The following VTA1 variants were observed in gnomAD, a reference collection of about 807,000 sequenced individuals.
VTA1 encodes the protein vacuolar protein sorting-associated protein VTA1 homolog.
In VTA1, 24 loss-of-function variants were observed where a neutral mutation model predicts 36.9. The observed-to-expected ratio is 0.65, with a 90% confidence interval of 0.47 to 0.91. VTA1 has a LOEUF of 0.91. Among genes scored for constraint, VTA1 ranks in the 40% least tolerant of loss-of-function variants. The pLI is 0.00. For missense variants in VTA1, 393 were observed against 377.2 expected (o/e 1.04, Z -0.35); for synonymous variants, 142 against 130.2 (o/e 1.09, Z -0.62).
At position 142,147,313 on chromosome 6, in the gene VTA1, C is replaced by T. The variant is rs760204581; in HGVS notation, c.26C>T (p.Pro9Leu). 5 of 1,614,192 alleles carry T rather than the reference C, an allele frequency of 3.1e-6. No homozygotes were observed. Among genetic ancestry groups the T allele is most frequent in the Admixed American group, 3.3e-5 (2 of 60,024 alleles). MAALAPLP[P>L]LPAQFKSIQH... ...ATGGCCGCGCTTGCACCGCTGCCCC[C>T]GCTCCCCGCACAGTTCAAGAGCATA... The change falls in exon 1 of 8, where the codon CCG (proline) becomes CTG (leucine). Residue 9 changes from proline (P) to leucine (L), a missense_variant. Pro to Leu is a moderately conservative substitution (Grantham distance 98). Transcript: ENST00000367630.
In VTA1 at chr6:142,224,613, C is replaced by A. The variant is rs1343906507; in HGVS notation, c.*5970C>A. On this transcript the variant is annotated 3_prime_UTR_variant, in exon 8 of 8. Transcript: ENST00000367630. ...GCTTGATGCATTGTAAGTATTCTGA[C>A]CTGGTGAAATAAATATACGAATGGG... is the stretch of plus-strand genomic sequence containing the variant. 2 of 151,918 alleles carry A rather than the reference C, an allele frequency of 1.3e-5. No homozygotes were observed. The highest frequency in any genetic ancestry group is 2.9e-5 in the Non-Finnish European group (2 of 68,020). 9.4% of individuals were successfully genotyped at this position (151,918 alleles called of 1,614,324 possible).
intron 7 of VTA1, among the ~76,000 whole-genome samples, chr6:142,217,853 GT>G (rs373440950): frequency 0.032 from 4,678 of 147,958 alleles, 86 homozygotes; most frequent in Non-Finnish European, 0.039. Context: ...TGTTTTTAAT[GT>G]TTTTTTTTTA....
At chr6:142,163,852 T>C (rs1209836979) in intron 1 of VTA1, among the ~76,000 whole-genome samples, 1 of 152,170 alleles carries the variant, frequency 6.6e-6, no homozygotes, top group Non-Finnish European at 1.5e-5. Context: ...TTATGTAAAT[T>C]ATTTATGAAT....
intron 5 of VTA1, among the ~76,000 whole-genome samples, chr6:142,193,198 A>G (rs142629941): frequency 1.4e-3 from 209 of 152,134 alleles, no homozygotes; most frequent in African/African-American, 4.8e-3. Context: ...TTTGTCTGAT[A>G]TTGCCTCATA....
At chr6:142,161,296 A>G (rs1774804678) in intron 1 of VTA1, among the ~76,000 whole-genome samples, 1 of 152,094 alleles carries the variant, frequency 6.6e-6, no homozygotes, top group Admixed American at 6.5e-5. Flanking sequence ...TTGTGTATCA[A>G]TATGTATTCT....
chr6:142,207,048 G>A (rs1044480157), intron 7 of VTA1, among the ~76,000 whole-genome samples: 7 of 151,932 alleles, frequency 4.6e-5, no homozygotes, highest in Admixed American at 6.6e-5. Context: ...AACAGAAAAC[G>A]AAAAACAAAT....
chr6:142,172,600 T>TA (rs963401638), intron 4 of VTA1, among the ~76,000 whole-genome samples: 24 of 152,230 alleles, frequency 1.6e-4, no homozygotes, highest in Non-Finnish European at 2.8e-4. Flanking sequence ...CTGATGGCCT[T>TA]ATGGATCCAC....
chr6:142,183,037 G>T (rs2114658640), intron 4 of VTA1, among the ~76,000 whole-genome samples: 1 of 152,122 alleles, frequency 6.6e-6, no homozygotes, highest in Admixed American at 6.5e-5. Flanking sequence ...AGGAAAGCAA[G>T]TGTAAGGGGG....
At position 142,198,635 on chromosome 6, in the gene VTA1, T is replaced by A; in HGVS notation, c.697+20T>A. On this transcript the variant is annotated intron_variant, in intron 6 of 7. Coordinates refer to ENST00000367630, the MANE Select transcript of VTA1 (RefSeq NM_016485.5). ...GCACAGGTGGGAAACTGTAACTGAA[T>A]GATTTATTTAATTCCCCTTTTATAA... 1 of 1,584,446 alleles carries A rather than the reference T, an allele frequency of 6.3e-7. No homozygotes were observed. Among genetic ancestry groups the A allele is most frequent in the South Asian group, 1.2e-5 (1 of 86,068 alleles).
At chr6:142,190,128 C>T (rs573318236) in intron 5 of VTA1, among the ~76,000 whole-genome samples, 3 of 152,094 alleles carry the variant, frequency 2.0e-5, no homozygotes, top group African/African-American at 7.2e-5. Flanking sequence ...AAAATGTTTT[C>T]AAACCACGAA....
intron 1 of VTA1, among the ~76,000 whole-genome samples, chr6:142,164,352 T>G (rs77370456): frequency 0.041 from 6,228 of 152,228 alleles, 177 homozygotes; most frequent in Non-Finnish European, 0.062. Flanking sequence ...GGTAGTGCAG[T>G]ATATCTCGGT....
intron 1 of VTA1, among the ~76,000 whole-genome samples, chr6:142,154,567 C>G (rs1778626850): frequency 6.6e-6 from 1 of 152,036 alleles, no homozygotes; most frequent in Non-Finnish European, 1.5e-5. Context: ...AGCATCTGTA[C>G]CATTTTACAC....
At chr6:142,215,770 A>T (rs913238555) in intron 7 of VTA1, among the ~76,000 whole-genome samples, 1 of 152,250 alleles carries the variant, frequency 6.6e-6, no homozygotes, top group Non-Finnish European at 1.5e-5. Context: ...CTCTTATGAC[A>T]TTAGATATAT....
rs545028511 is a variant in VTA1, at chr6:142,220,805, C to T, written c.*2162C>T. 2 of 151,932 alleles carry T rather than the reference C, an allele frequency of 1.3e-5. No homozygotes were observed. The highest frequency in any genetic ancestry group is 4.1e-4 in the South Asian group (2 of 4,820). The allele number at this position is 151,932 out of a possible 1,614,324, so 9.4% of individuals were successfully genotyped here. A position where few individuals can be genotyped will look rare whatever the true frequency, so the allele number is the denominator to read the frequency against. ...GTAGGATTAGCAATTTTCATTTATT[C>T]CTTCCATATATATTTACTGAATGGC... On this transcript the variant is annotated 3_prime_UTR_variant, in exon 8 of 8. Coordinates refer to ENST00000367630, the MANE Select transcript of VTA1 (RefSeq NM_016485.5).
At chr6:142,211,555 CA>C (rs1775903287) in intron 7 of VTA1, among the ~76,000 whole-genome samples, 1 of 151,802 alleles carries the variant, frequency 6.6e-6, no homozygotes, top group Non-Finnish European at 1.5e-5. Context: ...ACTAAAAATA[CA>C]AAAAATTAGC....
At chr6:142,162,109 C>CT (rs1216898705) in intron 1 of VTA1, among the ~76,000 whole-genome samples, 1 of 152,110 alleles carries the variant, frequency 6.6e-6, no homozygotes, top group East Asian at 1.9e-4. Flanking sequence ...TATAATTACA[C>CT]TGTGTTTAAC....
intron 7 of VTA1, among the ~76,000 whole-genome samples, chr6:142,204,424 A>G (rs1263291888): frequency 6.6e-6 from 1 of 152,182 alleles, no homozygotes; most frequent in Non-Finnish European, 1.5e-5. Flanking sequence ...TTTCTTATCT[A>G]CACTGTTATT....
At position 142,170,807 on chromosome 6, in the gene VTA1, A is replaced by AT. The variant is rs527493734; in HGVS notation, c.411+393dup. The stretch of plus-strand genomic sequence containing the variant: ...AGGCACCATAGCTGGCTAATTTTGT[A>AT]TTTTTTTGTAGAGACATGGTTTTAC... On this transcript the variant is annotated intron_variant, in intron 4 of 7. Coordinates refer to ENST00000367630, the MANE Select transcript of VTA1 (RefSeq NM_016485.5). 1.1e-4 allele frequency among the ~76,000 whole-genome samples: 16 copies of AT among 151,720 alleles called. No individual in the cohort carries two copies. In the East Asian group the frequency reaches 2.9e-3, roughly 28 times the overall value.
intron 3 of VTA1, among the ~76,000 whole-genome samples, 166 bp downstream of exon 3, chr6:142,169,843 C>T (rs1348566161): frequency 6.6e-6 from 1 of 151,962 alleles, no homozygotes; most frequent in Non-Finnish European, 1.5e-5. Flanking sequence ...TCGGGCCTTT[C>T]TCTTATAAGA....
Sources: gnomAD v4.1 joint callset for allele counts (sites outside exome capture counted in the v4.1 genomes callset) on GRCh38, gnomAD v4.1.1 for gene constraint, MANE v1.5 for transcripts, NCBI Gene and HGNC (gene_info 2026-07-23, HGNC 2026-07-21) for gene names.